Variants in EYS observed in about 807,000 individuals in gnomAD.
EYS encodes the protein EGF-like photoreceptor maintenance factor, also known as protein eyes shut homolog.
Under a neutral mutation model 282.1 loss-of-function variants are expected in EYS, and 250 were observed. That is an observed-to-expected ratio of 0.89 (90% confidence interval 0.80 to 0.98). The LOEUF is 0.98. Ranked by LOEUF, EYS falls within the 50% of genes least tolerant of loss-of-function variation. EYS has a pLI of 0.00. For synonymous variants in EYS, 1,355 were observed against 1,282.9 expected, an observed-to-expected ratio of 1.06 and a Z score of -1.20; for missense variants, 4,016 against 3,709.0, an observed-to-expected ratio of 1.08 and a Z score of -2.15.
chr6:64,667,483 T>G (rs2149893273), intron 22 of EYS, among the ~76,000 whole-genome samples: 1 of 151,786 alleles, frequency 6.6e-6, no homozygotes, highest in African/African-American at 2.4e-5. Context: ...GTTAAATAGT[T>G]ATTTTAAAAG....
At chr6:65,651,516 C>A (rs1418317822) in intron 1 of EYS, among the ~76,000 whole-genome samples, 1 of 151,850 alleles carries the variant, frequency 6.6e-6, no homozygotes, top group Non-Finnish European at 1.5e-5. Flanking sequence ...CTTATGATAT[C>A]TTCATGTATA....
Position 63,984,489 on chromosome 6 carries a change from T to C in EYS, c.6949A>G (p.Lys2317Glu). ...GCTTCATCGATGATGAAGAATTCTT[T>C]GTTGTTTACTTGAAGGTCTAGAATG... ...GCILDLQVNN[K>E]EFFIIDEARH... is the part of the protein sequence containing the mutation. The change falls in exon 35 of 43, where the codon AAA (lysine) becomes GAA (glutamate). Residue 2317 changes from lysine (K) to glutamate (E), a missense_variant. By Grantham distance (56) the Lys-to-Glu change is moderately conservative. Coordinates refer to ENST00000503581, the MANE Select transcript of EYS (RefSeq NM_001142800.2). The C allele has an allele frequency of 6.5e-7, 1 of 1,549,766 alleles. No homozygotes were observed. The highest frequency in any genetic ancestry group is 2.4e-5 in the East Asian group (1 of 40,844).
intron 22 of EYS, among the ~76,000 whole-genome samples, chr6:64,800,585 T>C (rs1321504189): frequency 6.6e-6 from 1 of 151,718 alleles, no homozygotes; most frequent in Non-Finnish European, 1.5e-5. Flanking sequence ...TTTTTTAAAG[T>C]TTAGTCTTGC....
chr6:64,856,306 A>AT (rs931472363), intron 19 of EYS, among the ~76,000 whole-genome samples: 12 of 151,066 alleles, frequency 7.9e-5, no homozygotes, highest in Admixed American at 1.3e-4. Flanking sequence ...TATCATTGGT[A>AT]TTTTTTTTTC....
chr6:63,836,465 TA>T (rs201536392), intron 36 of EYS, among the ~76,000 whole-genome samples: 1,974 of 151,910 alleles, frequency 0.013, 34 homozygotes, highest in African/African-American at 0.045. Flanking sequence ...ATGGAATTGT[TA>T]AAAAAAATTC....
chr6:65,448,337 T>A (rs1375098127), intron 5 of EYS, among the ~76,000 whole-genome samples: 1 of 152,008 alleles, frequency 6.6e-6, no homozygotes, highest in East Asian at 1.9e-4. Context: ...CTAACATGAT[T>A]GTATTATGCT....
At chr6:65,087,964 T>C (rs1774435368) in intron 12 of EYS, among the ~76,000 whole-genome samples, 1 of 152,110 alleles carries the variant, frequency 6.6e-6, no homozygotes, top group Non-Finnish European at 1.5e-5. Context: ...TGGGGGAGTC[T>C]TGTGAGATCT....
chr6:65,637,375 G>A (rs2149811508), intron 2 of EYS, among the ~76,000 whole-genome samples: 1 of 152,342 alleles, frequency 6.6e-6, no homozygotes, highest in South Asian at 2.1e-4. Flanking sequence ...AGTGATGGAA[G>A]TGACGACCAG....
chr6:64,795,476 C>T (rs1414013381), intron 22 of EYS, among the ~76,000 whole-genome samples: 1 of 152,062 alleles, frequency 6.6e-6, no homozygotes, highest in Non-Finnish European at 1.5e-5. Flanking sequence ...ACATATCATG[C>T]CACATTTTTA....
chr6:64,975,560 A>T (rs548608961), intron 14 of EYS, among the ~76,000 whole-genome samples: 44 of 151,930 alleles, frequency 2.9e-4, no homozygotes, highest in African/African-American at 1.0e-3. Flanking sequence ...AAACAAATGA[A>T]TAAATAAAGC....
chr6:64,823,053 T>C (rs566313397), intron 19 of EYS, among the ~76,000 whole-genome samples: 1 of 152,084 alleles, frequency 6.6e-6, no homozygotes, highest in South Asian at 2.1e-4. Context: ...CTTAATCTAC[T>C]GAGGAGATTG....
chr6:65,465,082 A>G (rs754236023), intron 5 of EYS, among the ~76,000 whole-genome samples: 17 of 152,336 alleles, frequency 1.1e-4, no homozygotes, highest in Non-Finnish European at 1.8e-4. Context: ...TACTGCGTTA[A>G]TAAGAAAAAC....
At position 64,672,241 on chromosome 6, in the gene EYS, A is replaced by G. The variant is rs914776957; in HGVS notation, c.3444-45996T>C. Among the ~76,000 whole-genome samples the G allele has an allele frequency of 3.3e-5, 5 of 152,294 alleles. No homozygotes were observed. In the East Asian group the frequency reaches 9.7e-4, roughly 29 times the overall value. ...GCCCTTTTCTCAAATCATCTTACTC[A>G]GCGGTAATGAAACAGCAGCCACAGA... On this transcript the variant is annotated intron_variant, in intron 22 of 42. Transcript: ENST00000503581.
chr6:65,642,133 A>C (rs1285348169), intron 1 of EYS, among the ~76,000 whole-genome samples: 1 of 152,158 alleles, frequency 6.6e-6, no homozygotes, highest in Non-Finnish European at 1.5e-5. Context: ...ATATTTGTTG[A>C]ATAAAAGCAT....
intron 15 of EYS, among the ~76,000 whole-genome samples, chr6:64,914,998 T>C (rs1768115695): frequency 6.6e-6 from 1 of 152,152 alleles, no homozygotes; most frequent in Non-Finnish European, 1.5e-5. Flanking sequence ...CAAAATGCTC[T>C]AATTATTTTG....
intron 29 of EYS, among the ~76,000 whole-genome samples, chr6:64,308,086 T>C (rs1769525103): frequency 6.6e-6 from 1 of 152,028 alleles, no homozygotes; most frequent in Admixed American, 6.6e-5. Context: ...TTTCTTGCAG[T>C]TTTTTCTCTC....
chr6:65,319,311 C>T lies in EYS; in HGVS notation c.1766+15669G>A, dbSNP rs1379235833. 2.7e-5 allele frequency among the ~76,000 whole-genome samples: 4 copies of T among 149,984 alleles called. No individual in the cohort carries two copies. In the East Asian group the frequency reaches 5.9e-4, roughly 22 times the overall value. On this transcript the variant is annotated intron_variant, in intron 11 of 42. Transcript: ENST00000503581. ...AGGAGAATCTCTTTAACCCAGGAAG[C>T]GGAGGTTGTGGTGAGCCAAGATCAC...
chr6:64,838,123 T>A (rs570549489), intron 19 of EYS, among the ~76,000 whole-genome samples: 1 of 152,056 alleles, frequency 6.6e-6, no homozygotes, highest in African/African-American at 2.4e-5. Context: ...AACACATTGA[T>A]GTATTATTGC....
chr6:64,347,240 G>A (rs1013416415), intron 29 of EYS, among the ~76,000 whole-genome samples: 1 of 151,146 alleles, frequency 6.6e-6, no homozygotes, highest in Non-Finnish European at 1.5e-5. Flanking sequence ...TAATTTATTT[G>A]GTTTGATTTA....
Sources: allele counts gnomAD v4.1 joint callset (sites outside exome capture counted in the v4.1 genomes callset), GRCh38; gene constraint gnomAD v4.1.1; transcripts MANE v1.5; gene names NCBI Gene and HGNC (gene_info 2026-07-23, HGNC 2026-07-21).